Variants in KRT72 observed in about 807,000 individuals in gnomAD.
KRT72 encodes keratin, type II cytoskeletal 72.
A neutral mutation model predicts 44.7 loss-of-function variants in KRT72; 44 were observed. That is an observed-to-expected ratio of 0.98 (90% CI 0.77 to 1.27). The LOEUF (loss-of-function observed/expected upper bound fraction) is 1.27. Among genes scored for constraint, KRT72 ranks in the 50% most tolerant of loss-of-function variants. The pLI, the probability that KRT72 is intolerant of heterozygous loss-of-function variation, is 0.00. For synonymous variants in KRT72, 302 were observed against 280.4 expected (o/e 1.08, Z -0.77); for missense variants, 736 against 667.1 (o/e 1.10, Z -1.14).
chr12:52,598,821 G>T, intron 2 of KRT72, 77 bp downstream of exon 2: 2 of 1,325,188 alleles, frequency 1.5e-6, no homozygotes, highest in Non-Finnish European at 2.2e-6. Context: ...GATCTCAGAA[G>T]CAAAAATGCC....
intron 2 of KRT72, among the ~76,000 whole-genome samples, chr12:52,595,536 T>C (rs1344099947): frequency 1.3e-5 from 2 of 152,200 alleles, no homozygotes; most frequent in Admixed American, 6.5e-5. Flanking sequence ...ATGTCTCTGA[T>C]TTGAATATGA....
In KRT72 at chr12:52,601,106, G is replaced by C; in HGVS notation, c.347C>G (p.Pro116Arg). 2 of 1,612,752 alleles carry C rather than the reference G, an allele frequency of 1.2e-6. No homozygotes were observed. The highest frequency in any genetic ancestry group is 3.3e-4 in the Middle Eastern group (2 of 6,048). ...CTGGGCGCGCACCCTCTGGATCTCGGGGTCCATCTCCACGTTGAGCGGGGC... is the reference window on the plus strand; with the variant it reads ...CTGGGCGCGCACCCTCTGGATCTCGCGGTCCATCTCCACGTTGAGCGGGGC... ...LLAPLNVEMD[P>R]EIQRVRAQER... The change falls in exon 1 of 9, where the codon CCC (proline) becomes CGC (arginine). Residue 116 changes from proline to arginine, a missense_variant. By Grantham distance (103) the Pro-to-Arg change is moderately radical. Coordinates refer to ENST00000293745, the MANE Select transcript of KRT72 (RefSeq NM_080747.3).
chr12:52,601,506 C>T (rs1195428976), upstream of KRT72: 9 of 1,514,884 alleles, frequency 5.9e-6, no homozygotes, highest in South Asian at 3.6e-5. Flanking sequence ...CGCAAACAGC[C>T]GCTGCGTTCT....
chr12:52,593,514 C>A (rs1177981661), intron 2 of KRT72, among the ~76,000 whole-genome samples: 1 of 152,120 alleles, frequency 6.6e-6, no homozygotes, highest in Non-Finnish European at 1.5e-5. Flanking sequence ...GAGTACTAAC[C>A]ATTTTATTTA....
upstream of KRT72, chr12:52,601,513 T>C: frequency 6.7e-7 from 1 of 1,501,646 alleles, no homozygotes; most frequent in Non-Finnish European, 8.9e-7. Context: ...AGCCGCTGCG[T>C]TCTCGGCCCA....
At chr12:52,601,616 A>C (rs1167161939), upstream of KRT72, 2 of 664,310 alleles carry the variant, frequency 3.0e-6, no homozygotes, top group South Asian at 3.9e-5. Context: ...TGGGTTCTTC[A>C]TGTAGGAAAT....
chr12:52,586,107 T>C lies in KRT72; in HGVS notation c.1411A>G (p.Ser471Gly), dbSNP rs1248532216. Reference sequence around the variant, plus strand: ...GCTGCAGTTTTGTAGCTATAACTGCTTGAGGCGCCAAAGCCCATGCTGAAG... The same window carrying C: ...GCTGCAGTTTTGTAGCTATAACTGCCTGAGGCGCCAAAGCCCATGCTGAAG... ...AGFSMGFGAS[S>G]SYSYKTAAAD... Residue 471 changes from serine (S) to glycine (G), a missense_variant, in exon 9 of 9, where the codon AGC becomes GGC. Physicochemically the swap from Ser to Gly is moderately conservative, Grantham distance 56. Transcript: ENST00000293745. 1 of 1,614,188 alleles carries C rather than the reference T, an allele frequency of 6.2e-7. No individual in the cohort carries two copies. Among genetic ancestry groups the C allele is most frequent in the Admixed American group, 1.7e-5 (1 of 60,028 alleles).
intron 8 of KRT72, among the ~76,000 whole-genome samples, chr12:52,586,503 C>T (rs1031415118): frequency 6.6e-6 from 1 of 152,188 alleles, no homozygotes; most frequent in African/African-American, 2.4e-5. Context: ...CACTGAGGGC[C>T]CTGTCTCTCA....
Position 52,586,958 on chromosome 12 carries a change from A to C in KRT72, c.1333T>G (p.Ser445Ala). ...TGCAGATACTTACAGATGCTCACAG[A>C]ATTTGGATATTCGCCAGACATCCTG... Reference protein sequence around the residue: ...ECRMSGEYPNSVSISVISSTN... With the variant: ...ECRMSGEYPNAVSISVISSTN... The change falls in exon 8 of 9, where the codon TCT becomes GCT. Residue 445 changes from serine to alanine, a missense_variant. Physicochemically the swap from Ser to Ala is moderately conservative, Grantham distance 99. Transcript: ENST00000293745. 6.2e-7 allele frequency: 1 copy of C among 1,614,084 alleles called. No homozygotes were observed. The highest frequency in any genetic ancestry group is 8.5e-7 in the Non-Finnish European group (1 of 1,179,962).
At chr12:52,587,872 GC>G in intron 6 of KRT72, 21 bp from the exon 7 acceptor site, 1 of 1,607,758 alleles carries the variant, frequency 6.2e-7, no homozygotes, top group Non-Finnish European at 8.5e-7. Context: ...AACAGATCCA[GC>G]ACTTAAGAGT....
intron 8 of KRT72, 93 bp downstream of exon 8, chr12:52,586,853 G>T: frequency 2.4e-6 from 3 of 1,250,038 alleles, no homozygotes; most frequent in South Asian, 1.2e-5. Context: ...AGCCCCCTCT[G>T]TCATTCTGAT....
chr12:52,601,404 T>C lies in KRT72; in HGVS notation c.49A>G (p.Ser17Gly). Residue 17 changes from serine (S) to glycine (G), a missense_variant, in exon 1 of 9, where the codon AGC becomes GGC. Transcript: ENST00000293745. ...CCAGAGAGGACCGCGGAGCAACCGCTGAAGCCCAGGCGCTCCCCGCGGGGG... is the reference window on the plus strand; with the variant it reads ...CCAGAGAGGACCGCGGAGCAACCGCCGAAGCCCAGGCGCTCCCCGCGGGGG... Reference protein sequence around the residue: ...HFPRGERLGFSGCSAVLSGGI... With the variant: ...HFPRGERLGFGGCSAVLSGGI... 11 of 1,541,308 alleles carry C rather than the reference T, an allele frequency of 7.1e-6. No homozygotes were observed. The highest frequency in any genetic ancestry group is 9.6e-6 in the Non-Finnish European group (11 of 1,147,276).
At position 52,594,128 on chromosome 12, in the gene KRT72, C is replaced by T. The variant is rs118037750; in HGVS notation, c.642-1176G>A. On this transcript the variant is annotated intron_variant, in intron 2 of 8. Coordinates refer to ENST00000293745, the MANE Select transcript of KRT72 (RefSeq NM_080747.3). Reference sequence around the variant, plus strand: ...ATTCATGTACTTAACATAAACAATCCTTTTCAGCTCTTCGCTCATTCCTAA... The same window carrying T: ...ATTCATGTACTTAACATAAACAATCTTTTTCAGCTCTTCGCTCATTCCTAA... 5.9e-5 allele frequency among the ~76,000 whole-genome samples: 9 copies of T among 152,250 alleles called. No homozygotes were observed. In the South Asian group the frequency reaches 1.0e-3, roughly 18 times the overall value.
chr12:52,589,241 T>C (rs1451196507), intron 6 of KRT72, among the ~76,000 whole-genome samples: 1 of 152,154 alleles, frequency 6.6e-6, no homozygotes, highest in Non-Finnish European at 1.5e-5. Context: ...CAAGGCCAAA[T>C]GGGCTCTAGA....
chr12:52,589,803 A>G (rs1462116207), intron 6 of KRT72, among the ~76,000 whole-genome samples: 1 of 152,224 alleles, frequency 6.6e-6, no homozygotes, highest in Non-Finnish European at 1.5e-5. Context: ...GTTTCTGGTA[A>G]TAACTTCGTC....
chr12:52,601,201 C>T lies in KRT72; in HGVS notation c.252G>A (p.Leu84=). 1 of 1,611,242 alleles carries T rather than the reference C, an allele frequency of 6.2e-7. No homozygotes were observed. The highest frequency in any genetic ancestry group is 8.5e-7 in the Non-Finnish European group (1 of 1,178,616). ...FVGTAFGSAG[L]GPKCPSVCPP... ...GGCACACGGAGGGACACTTGGGCCC[C>T]AGCCCGGCGCTGCCGAAGGCGGTGC... Residue 84 remains leucine, a synonymous_variant, in exon 1 of 9, where the codon CTG becomes CTA. Coordinates refer to ENST00000293745, the MANE Select transcript of KRT72 (RefSeq NM_080747.3).
intron 2 of KRT72, among the ~76,000 whole-genome samples, chr12:52,597,941 A>G (rs1940275847): frequency 6.6e-6 from 1 of 152,204 alleles, no homozygotes; most frequent in Non-Finnish European, 1.5e-5. Context: ...AGGCCCAGAG[A>G]TAGCACTGCC....
chr12:52,599,832 G>C (rs551515729), intron 1 of KRT72, among the ~76,000 whole-genome samples: 6 of 152,268 alleles, frequency 3.9e-5, no homozygotes, highest in African/African-American at 1.2e-4. Context: ...ACCACCAACT[G>C]TCCTGTCCAA....
Position 52,590,750 on chromosome 12 carries a change from C to T in KRT72, c.1089+86G>A, listed in dbSNP as rs567048328. 4 of 1,342,438 alleles carry T rather than the reference C, an allele frequency of 3.0e-6. No individual in the cohort carries two copies. In the Admixed American group the frequency reaches 6.2e-5, roughly 21 times the overall value. The allele number at this position is 1,342,438 out of a possible 1,614,324, so 83.2% of individuals were successfully genotyped here. A position where few individuals can be genotyped will look rare whatever the true frequency, so the allele number is the denominator to read the frequency against. Reference sequence around the variant, plus strand: ...ATTAGAGGAGGCCCTAAGGAGGGCACTGTGTTTTACCCTTTCTTCATATTC... The same window carrying T: ...ATTAGAGGAGGCCCTAAGGAGGGCATTGTGTTTTACCCTTTCTTCATATTC... On this transcript the variant is annotated intron_variant, in intron 6 of 8. Transcript: ENST00000293745.
Sources: allele counts gnomAD v4.1 joint callset (sites outside exome capture counted in the v4.1 genomes callset), GRCh38; gene constraint gnomAD v4.1.1; transcripts MANE v1.5; gene names NCBI Gene and HGNC (gene_info 2026-07-23, HGNC 2026-07-21).